FGF14: variants seen among roughly 807,000 people sequenced by gnomAD.
FGF14 encodes the protein fibroblast growth factor homologous factor 4.
Under a neutral mutation model 25.5 loss-of-function variants are expected in FGF14, and 5 were observed. The ratio of observed to expected loss-of-function variants is 0.20; its 90% CI spans 0.10 to 0.41. The LOEUF is 0.41. Ranked by LOEUF, FGF14 falls within the 10% of genes least tolerant of loss-of-function variation. The pLI is 1.00. For synonymous variants in FGF14, 138 were observed against 118.3 expected (o/e 1.17, Z -1.08); for missense variants, 222 against 320.1 (o/e 0.69, Z 2.34).
intron 1 of FGF14, among the ~76,000 whole-genome samples, chr13:102,106,573 C>T (rs994517922): frequency 1.1e-5 from 1 of 90,702 alleles, no homozygotes; most frequent in Non-Finnish European, 2.0e-5. Context: ...GAAACTCTGT[C>T]GAAAAAGAGG....
At chr13:102,096,787 C>CAT (rs10687576) in intron 1 of FGF14, among the ~76,000 whole-genome samples, 58,597 of 151,792 alleles carry the variant, frequency 0.39, 13,396 homozygotes, top group Non-Finnish European at 0.51. Flanking sequence ...AACCAGGAAA[C>CAT]AGATTCCTTA....
At chr13:101,874,872 A>G (rs1189646394) in intron 2 of FGF14, among the ~76,000 whole-genome samples, 1 of 152,162 alleles carries the variant, frequency 6.6e-6, no homozygotes, top group African/African-American at 2.4e-5. Context: ...TTTTACCTAA[A>G]TACACTAGTG....
intron 1 of FGF14, among the ~76,000 whole-genome samples, chr13:102,351,768 C>T (rs780200724): frequency 1.9e-4 from 29 of 152,208 alleles, no homozygotes; most frequent in Non-Finnish European, 4.3e-4. Context: ...TGGCTGGCCC[C>T]AGGGTGAGGG....
At chr13:102,206,632 G>A (rs9557833) in intron 1 of FGF14, among the ~76,000 whole-genome samples, 28,687 of 152,022 alleles carry the variant, frequency 0.19, 2,983 homozygotes, top group Non-Finnish European at 0.24. Flanking sequence ...AGTGAGCCCA[G>A]ATGGCACCAC....
intron 3 of FGF14, among the ~76,000 whole-genome samples, chr13:101,805,391 G>A (rs986376077): frequency 6.6e-5 from 10 of 152,036 alleles, no homozygotes; most frequent in African/African-American, 2.4e-4. Context: ...AAATATAAAA[G>A]CTATAGACAG....
At chr13:102,147,755 G>A (rs1484214099) in intron 1 of FGF14, among the ~76,000 whole-genome samples, 1 of 152,124 alleles carries the variant, frequency 6.6e-6, no homozygotes, top group Non-Finnish European at 1.5e-5. Context: ...GGGCTGAAAG[G>A]ACTAAAAAAG....
At chr13:102,112,722 T>C (rs1454617022) in intron 1 of FGF14, among the ~76,000 whole-genome samples, 1 of 152,226 alleles carries the variant, frequency 6.6e-6, no homozygotes, top group Non-Finnish European at 1.5e-5. Context: ...TATCAAATTA[T>C]TTGATTTTAA....
At chr13:101,948,233 C>T (rs11069468) in intron 1 of FGF14, among the ~76,000 whole-genome samples, 56,921 of 151,924 alleles carry the variant, frequency 0.37, 11,956 homozygotes, top group East Asian at 0.72. Flanking sequence ...TTATTAGTAG[C>T]AATTAGTCAT....
chr13:102,377,091 T>C (rs1285353231), intron 1 of FGF14, among the ~76,000 whole-genome samples: 1 of 152,120 alleles, frequency 6.6e-6, no homozygotes, highest in Non-Finnish European at 1.5e-5. Context: ...GGTCACCTTT[T>C]TTTTTTTTCC....
At chr13:101,907,777 A>T (rs2032422761) in intron 1 of FGF14, among the ~76,000 whole-genome samples, 1 of 152,164 alleles carries the variant, frequency 6.6e-6, no homozygotes, top group Non-Finnish European at 1.5e-5. Flanking sequence ...TGTTAAGGAT[A>T]ATACAGGAGG....
chr13:101,892,688 G>T (rs2029932755), intron 1 of FGF14, among the ~76,000 whole-genome samples: 1 of 152,184 alleles, frequency 6.6e-6, no homozygotes, highest in East Asian at 1.9e-4. Flanking sequence ...CCCATAGTGT[G>T]CTGGGAAAAC....
intron 1 of FGF14, among the ~76,000 whole-genome samples, chr13:101,884,354 G>A (rs2045882891): frequency 6.6e-6 from 1 of 152,180 alleles, no homozygotes; most frequent in Admixed American, 6.5e-5. Context: ...ATCTGAAGAT[G>A]ATGACATGTC....
chr13:102,356,416 T>C (rs1457389197), intron 1 of FGF14, among the ~76,000 whole-genome samples: 2 of 152,228 alleles, frequency 1.3e-5, no homozygotes, highest in Non-Finnish European at 2.9e-5. Context: ...TTTAAAAATA[T>C]AGGATTCAGA....
rs1280672980 is a variant in FGF14, at chr13:101,711,032, G to A, written c.*11799C>T. 1.3e-5 allele frequency: 2 copies of A among 152,206 alleles called. No homozygotes were observed. Among genetic ancestry groups the A allele is most frequent in the African/African-American group, 4.8e-5 (2 of 41,454 alleles). 9.4% of individuals were successfully genotyped at this position (152,206 alleles called of 1,614,324 possible). A position where few individuals can be genotyped will look rare whatever the true frequency, so the allele number is the denominator to read the frequency against. On this transcript the variant is annotated 3_prime_UTR_variant, in exon 5 of 5. Transcript: ENST00000376143. Reference sequence around the variant, plus strand: ...AATGGAATGGGCAACTGACAAAGGTGCCTTGCCCTTAGACTCAAATTGTTT... The same window carrying A: ...AATGGAATGGGCAACTGACAAAGGTACCTTGCCCTTAGACTCAAATTGTTT...
intron 1 of FGF14, among the ~76,000 whole-genome samples, chr13:102,193,073 C>G (rs1020978572): frequency 6.6e-6 from 1 of 152,176 alleles, no homozygotes; most frequent in East Asian, 1.9e-4. Context: ...CACCCCACTT[C>G]CTGGTACCAA....
At chr13:102,065,108 A>C (rs2042847249) in intron 1 of FGF14, among the ~76,000 whole-genome samples, 1 of 152,142 alleles carries the variant, frequency 6.6e-6, no homozygotes, top group Non-Finnish European at 1.5e-5. Flanking sequence ...TTATTGAAAT[A>C]ATTAATGTCT....
chr13:101,770,594 T>C (rs1278583790), intron 3 of FGF14, among the ~76,000 whole-genome samples: 1 of 152,148 alleles, frequency 6.6e-6, no homozygotes, highest in Non-Finnish European at 1.5e-5. Flanking sequence ...TTTTCTTGTA[T>C]GACATTTCTG....
chr13:101,807,258 G>A (rs1244588573), intron 3 of FGF14, among the ~76,000 whole-genome samples: 1 of 152,030 alleles, frequency 6.6e-6, no homozygotes, highest in Non-Finnish European at 1.5e-5. Flanking sequence ...TCATTGAAAA[G>A]AATTAGAGTT....
intron 1 of FGF14, among the ~76,000 whole-genome samples, chr13:102,135,060 C>CAAAAAAAA (rs1555364168): frequency 1.4e-5 from 2 of 139,156 alleles, no homozygotes; most frequent in African/African-American, 5.3e-5. Flanking sequence ...CACACACACA[C>CAAAAAAAA]AAATCCGCGT....
Sources: allele counts gnomAD v4.1 joint callset (sites outside exome capture counted in the v4.1 genomes callset), GRCh38; gene constraint gnomAD v4.1.1; transcripts MANE v1.5; gene names NCBI Gene and HGNC (gene_info 2026-07-23, HGNC 2026-07-21).